COP1: variants seen among roughly 807,000 people sequenced by gnomAD.
COP1 encodes the protein E3 ubiquitin-protein ligase COP1.
In COP1, 24 loss-of-function variants were observed where a neutral mutation model predicts 101.3. That is an observed-to-expected ratio of 0.24 (90% CI 0.17 to 0.33). The LOEUF (loss-of-function observed/expected upper bound fraction) is 0.33, where lower values mean the gene tolerates loss of function less well. COP1 is among the 10% of genes least tolerant of loss of function. The pLI is 1.00. For missense variants in COP1, 663 were observed against 906.2 expected (o/e 0.73, Z 3.45); for synonymous variants, 347 against 341.9 (o/e 1.01, Z -0.17).
intron 15 of COP1, among the ~76,000 whole-genome samples, chr1:175,995,069 C>T (rs955193820): frequency 6.6e-6 from 1 of 152,150 alleles, no homozygotes; most frequent in Non-Finnish European, 1.5e-5. Flanking sequence ...CGCAATCAAA[C>T]TAGAACTCAG....
intron 11 of COP1, among the ~76,000 whole-genome samples, chr1:176,053,829 C>T (rs1379802286): frequency 6.6e-6 from 1 of 152,180 alleles, no homozygotes; most frequent in Non-Finnish European, 1.5e-5. Flanking sequence ...ATAACTCCCT[C>T]ACACAACTTT....
intron 1 of COP1, among the ~76,000 whole-genome samples, chr1:176,197,431 G>T (rs533317217): frequency 6.6e-6 from 1 of 152,072 alleles, no homozygotes; most frequent in African/African-American, 2.4e-5. Context: ...AAAAAGAAAG[G>T]AAACAGGCCT....
chr1:175,982,383 C>T (rs2148690595), intron 18 of COP1: 1 of 456,594 alleles, frequency 2.2e-6, no homozygotes, highest in African/African-American at 2.0e-5. Flanking sequence ...TGCAAATTTT[C>T]TTCCTCTTCT....
At chr1:176,130,334 A>AAG (rs1231410647) in intron 8 of COP1, among the ~76,000 whole-genome samples, 3 of 151,790 alleles carry the variant, frequency 2.0e-5, no homozygotes, top group Non-Finnish European at 4.4e-5. Context: ...TAATAAGTAA[A>AAG]AGAGACTATG....
intron 18 of COP1, among the ~76,000 whole-genome samples, chr1:175,978,464 T>C (rs1286955208): frequency 6.6e-6 from 1 of 152,218 alleles, no homozygotes; most frequent in Non-Finnish European, 1.5e-5. Flanking sequence ...GTATACTTCC[T>C]GTAATTTACT....
intron 18 of COP1, chr1:175,947,440 G>A (rs1002156410): frequency 2.2e-6 from 1 of 457,500 alleles, no homozygotes; most frequent in Non-Finnish European, 3.9e-6. Flanking sequence ...GCGCGATCTT[G>A]GCTCACCACA....
At chr1:176,093,632 G>T (rs900632840) in intron 9 of COP1, among the ~76,000 whole-genome samples, 1 of 152,142 alleles carries the variant, frequency 6.6e-6, no homozygotes, top group African/African-American at 2.4e-5. Context: ...GAGGTCAGGA[G>T]ATCAAGACCA....
At chr1:176,181,078 C>A (rs1311890256) in intron 2 of COP1, among the ~76,000 whole-genome samples, 1 of 152,110 alleles carries the variant, frequency 6.6e-6, no homozygotes, top group Non-Finnish European at 1.5e-5. Flanking sequence ...AGTCAGATTT[C>A]TTATTATATC....
At chr1:176,021,887 CG>C (rs1342230040) in intron 15 of COP1, among the ~76,000 whole-genome samples, 1 of 152,142 alleles carries the variant, frequency 6.6e-6, no homozygotes, top group African/African-American at 2.4e-5. Flanking sequence ...TTGAAAACAA[CG>C]TGGATTTCTC....
chr1:175,958,600 A>C (rs1650964273), intron 18 of COP1, among the ~76,000 whole-genome samples: 2 of 152,064 alleles, frequency 1.3e-5, no homozygotes, highest in Admixed American at 1.3e-4. Flanking sequence ...ATCAGAATAT[A>C]ACCCTTCTTT....
intron 14 of COP1, among the ~76,000 whole-genome samples, chr1:176,035,393 G>A (rs1669325178): frequency 2.0e-5 from 3 of 150,996 alleles, no homozygotes; most frequent in South Asian, 2.1e-4. Flanking sequence ...AAGAATATGA[G>A]GTCTATGAGA....
intron 13 of COP1, 132 bp downstream of exon 13, chr1:176,043,578 T>A (rs1671010726): frequency 3.0e-6 from 2 of 665,484 alleles, no homozygotes; most frequent in South Asian, 3.9e-5. Flanking sequence ...TGGTATTGCA[T>A]AGGTGTTACA....
intron 15 of COP1, among the ~76,000 whole-genome samples, chr1:176,017,776 C>T (rs1021216493): frequency 1.3e-5 from 2 of 152,168 alleles, no homozygotes; most frequent in Non-Finnish European, 2.9e-5. Context: ...CTGCCCACCT[C>T]GGCCTCCCAA....
intron 18 of COP1, among the ~76,000 whole-genome samples, chr1:175,951,313 T>TG (rs1039822209): frequency 1.3e-5 from 2 of 149,594 alleles, no homozygotes; most frequent in African/African-American, 4.9e-5. Flanking sequence ...AGTTGAGAAA[T>TG]GAACAGTTAT....
intron 15 of COP1, among the ~76,000 whole-genome samples, chr1:175,995,784 C>G (rs1179089786): frequency 6.6e-6 from 1 of 152,144 alleles, no homozygotes; most frequent in Non-Finnish European, 1.5e-5. Context: ...GAGTCCAGGA[C>G]CAGATGGATT....
rs956924712 is a variant in COP1, at chr1:175,948,308, G to A, written c.2134-1069C>T. Among the ~76,000 whole-genome samples, 3 of 152,166 alleles carry A rather than the reference G, an allele frequency of 2.0e-5. No individual in the cohort carries two copies. The South Asian group carries it at 6.2e-4, about 31-fold the overall frequency. ...AAGGGCTCTGGAACTTGGATGTGTT[G>A]GAGTCTTTTGCTTTCCATGGTAGGC... On this transcript the variant is annotated intron_variant, in intron 18 of 19. Transcript: ENST00000367669.
intron 1 of COP1, among the ~76,000 whole-genome samples, chr1:176,187,969 GT>G (rs1698681486): frequency 6.6e-6 from 1 of 152,014 alleles, no homozygotes; most frequent in Non-Finnish European, 1.5e-5. Flanking sequence ...AAAGGGATTA[GT>G]GCCCTTACAA....
chr1:176,100,062 A>G (rs1683118770), intron 9 of COP1, among the ~76,000 whole-genome samples: 1 of 152,204 alleles, frequency 6.6e-6, no homozygotes. Context: ...TATTTTGCAA[A>G]CAATTCAATC....
At chr1:175,945,207 C>T in intron 19 of COP1, 37 bp from the exon 20 acceptor site, 1 of 1,451,096 alleles carries the variant, frequency 6.9e-7, no homozygotes, top group Non-Finnish European at 9.5e-7. Flanking sequence ...TTAATAAAAT[C>T]ATTTAAGATA....
Sources: gnomAD v4.1 joint callset for allele counts (sites outside exome capture counted in the v4.1 genomes callset) on GRCh38, gnomAD v4.1.1 for gene constraint, MANE v1.5 for transcripts, NCBI Gene and HGNC (gene_info 2026-07-23, HGNC 2026-07-21) for gene names.